The following DOK7 variants were observed in gnomAD, a reference collection of about 807,000 sequenced individuals.
The protein encoded by DOK7 is protein Dok-7.
In DOK7, 32 loss-of-function variants were observed where a neutral mutation model predicts 30.7. That is an observed-to-expected ratio of 1.04 (90% CI 0.79 to 1.40). The LOEUF is 1.40. DOK7 is among the 40% of genes most tolerant of loss of function. The pLI is 0.00. For missense variants in DOK7, 1,007 were observed against 699.2 expected, an observed-to-expected ratio of 1.44 and a Z score of -4.97; for synonymous variants, 447 against 324.1, an observed-to-expected ratio of 1.38 and a Z score of -4.07.
At chr4:3,494,622 T>TGTGAGCC (rs1728797690), downstream of DOK7, 1 of 795,402 alleles carries the variant, frequency 1.3e-6, no homozygotes, top group Non-Finnish European at 1.5e-6. Context: ...TCATCTGTCT[T>TGTGAGCC]GTGAGCCTTG....
chr4:3,481,072 G>C (rs1192612674), intron 4 of DOK7, among the ~76,000 whole-genome samples: 1 of 152,068 alleles, frequency 6.6e-6, no homozygotes, highest in African/African-American at 2.4e-5. Flanking sequence ...GTCCCGAAGG[G>C]CTGTGTAGGA....
intron 6 of DOK7, among the ~76,000 whole-genome samples, chr4:3,491,339 T>G (rs1728414871): frequency 7.3e-6 from 1 of 136,984 alleles, no homozygotes; most frequent in Non-Finnish European, 1.6e-5. Context: ...CATTCCTTCC[T>G]TCTTCGCCTG....
intron 4 of DOK7, chr4:3,484,541 C>A: frequency 1.0e-6 from 1 of 985,510 alleles, no homozygotes; most frequent in African/African-American, 1.7e-5. Flanking sequence ...AGCCCAGTGG[C>A]CCATTCACGC....
chr4:3,499,149 G>C (rs1729070194), downstream of DOK7, among the ~76,000 whole-genome samples: 1 of 152,212 alleles, frequency 6.6e-6, no homozygotes, highest in African/African-American at 2.4e-5. Context: ...GCATCCCTGG[G>C]GCAGGGAGGC....
chr4:3,499,961 G>T (rs913453017), intron 6 of DOK7, among the ~76,000 whole-genome samples: 1 of 151,712 alleles, frequency 6.6e-6, no homozygotes, highest in East Asian at 1.9e-4. Flanking sequence ...GGGGGCCCAT[G>T]GGGGGGTCGG....
At chr4:3,486,774 G>A (rs569203557) in intron 5 of DOK7, among the ~76,000 whole-genome samples, 2 of 152,012 alleles carry the variant, frequency 1.3e-5, no homozygotes, top group African/African-American at 2.4e-5. Context: ...AGGCAGGTGT[G>A]GATGGTGTGG....
intron 4 of DOK7, among the ~76,000 whole-genome samples, chr4:3,480,835 C>T (rs184948369): frequency 9.6e-4 from 146 of 152,148 alleles, no homozygotes; most frequent in Non-Finnish European, 1.4e-3. Context: ...GACGGTCCGG[C>T]CTCAGAGGCT....
intron 2 of DOK7, among the ~76,000 whole-genome samples, chr4:3,471,175 C>T (rs985285119): frequency 3.0e-4 from 46 of 152,338 alleles, no homozygotes; most frequent in African/African-American, 9.9e-4. Context: ...TAGCTGGTAA[C>T]GCAGACAGAT....
chr4:3,475,342 G>A (rs1054021631), intron 3 of DOK7, among the ~76,000 whole-genome samples: 4 of 152,240 alleles, frequency 2.6e-5, no homozygotes, highest in East Asian at 1.9e-4. Context: ...ACAAGGATGC[G>A]CCTGAGGCCA....
intron 5 of DOK7, among the ~76,000 whole-genome samples, chr4:3,488,772 G>T (rs1364670477): frequency 2.0e-5 from 3 of 151,598 alleles, no homozygotes; most frequent in African/African-American, 7.3e-5. Context: ...GGGTCGGTTT[G>T]CTCTTGCGGG....
chr4:3,491,427 C>G (rs1728432393), intron 6 of DOK7, among the ~76,000 whole-genome samples: 1 of 88,400 alleles, frequency 1.1e-5, no homozygotes, highest in African/African-American at 3.5e-5. Flanking sequence ...TCCTTCTTCC[C>G]CTGCTCATTC....
At chr4:3,472,927 C>T (rs983272331) in intron 2 of DOK7, among the ~76,000 whole-genome samples, 2 of 152,158 alleles carry the variant, frequency 1.3e-5, no homozygotes, top group African/African-American at 2.4e-5. Context: ...CCAGGAGGGG[C>T]GGTGGGTCTC....
rs532496587 is a variant in DOK7, at chr4:3,489,864, A to T, written c.772+68A>T. The T allele has an allele frequency of 5.4e-5, 83 of 1,538,872 alleles. 2 individuals are homozygous for T. In the South Asian group the frequency reaches 9.8e-4, roughly 18 times the overall value. On this transcript the variant is annotated intron_variant, in intron 6 of 6. Coordinates refer to ENST00000340083, the MANE Select transcript of DOK7 (RefSeq NM_173660.5). ...CCTCCAGCAGGAGAGCTCAGGAGGC[A>T]TCCATGCATGTGTGGGGGCTGCAGG...
downstream of DOK7, among the ~76,000 whole-genome samples, chr4:3,498,209 G>C (rs902679548): frequency 2.0e-5 from 3 of 152,166 alleles, no homozygotes; most frequent in East Asian, 5.8e-4. Flanking sequence ...TACTGGAAGC[G>C]ATGCTCACAG....
rs767745850 is a variant in DOK7, at chr4:3,489,674, C to A, written c.653-3C>A. The A allele has an allele frequency of 1.9e-6, 3 of 1,565,736 alleles. No homozygotes were observed. The East Asian group carries it at 7.1e-5, about 37-fold the overall frequency. ...CCTCCACCGAGTCTTCTCTCTGCCA[C>A]AGACCCAAGTCCCCCGGGACCCTCG... On this transcript the variant is annotated splice_polypyrimidine_tract_variant and splice_region_variant and intron_variant, in intron 5 of 6. Coordinates refer to ENST00000340083, the MANE Select transcript of DOK7 (RefSeq NM_173660.5).
At chr4:3,490,179 G>GC (rs147262792) in intron 6 of DOK7, among the ~76,000 whole-genome samples, 32 of 27,138 alleles carry the variant, frequency 1.2e-3, no homozygotes, top group East Asian at 2.2e-3. Flanking sequence ...TTCTTCCTCC[G>GC]CCCCCCCCAC....
At chr4:3,497,574 G>A (rs1560239791), downstream of DOK7, among the ~76,000 whole-genome samples, 1 of 152,132 alleles carries the variant, frequency 6.6e-6, no homozygotes, top group Non-Finnish European at 1.5e-5. Flanking sequence ...GGCCAGTTCT[G>A]TGCCTGTTTC....
In DOK7 at chr4:3,500,769, CG is replaced by C. The variant is rs1729147318; in HGVS notation, c.1342del (p.Ala448ProfsTer113). ...GCACAGAGTGGGGGTGCGGCACGCACGGGCCCGGGAGGAGCAGCTGTCGGAG... is the reference window on the plus strand; with the variant it reads ...GCACAGAGTGGGGGTGCGGCACGCACGGCCCGGGAGGAGCAGCTGTCGGAG... On this transcript the variant is annotated frameshift_variant, in exon 8 of 8. Coordinates refer to the DOK7 transcript ENST00000643608. LOFTEE classifies it high-confidence loss of function. 6.5e-7 allele frequency: 1 copy of C among 1,534,650 alleles called. No individual in the cohort carries two copies. Among genetic ancestry groups the C allele is most frequent in the African/African-American group, 1.4e-5 (1 of 72,992 alleles).
chr4:3,497,330 T>C (rs1201578250), downstream of DOK7, among the ~76,000 whole-genome samples: 1 of 151,782 alleles, frequency 6.6e-6, no homozygotes, highest in Non-Finnish European at 1.5e-5. Context: ...CTGTGGAGGC[T>C]GGGCTGGTGG....
Sources: allele counts gnomAD v4.1 joint callset (sites outside exome capture counted in the v4.1 genomes callset), GRCh38; gene constraint gnomAD v4.1.1; transcripts MANE v1.5; gene names NCBI Gene and HGNC (gene_info 2026-07-23, HGNC 2026-07-21).